Variants in YPEL2 observed in about 807,000 individuals in gnomAD.
YPEL2 encodes the protein protein yippee-like 2.
Under a neutral mutation model 19.1 loss-of-function variants are expected in YPEL2, and 2 were observed. The observed-to-expected ratio is 0.10, with a 90% CI of 0.04 to 0.33. The LOEUF (loss-of-function observed/expected upper bound fraction) is 0.33, where lower values mean the gene tolerates loss of function less well. Ranked by LOEUF, YPEL2 falls within the 10% of genes least tolerant of loss-of-function variation. YPEL2 has a pLI of 1.00. For synonymous variants in YPEL2, 52 were observed against 50.0 expected (o/e 1.04, Z -0.17); for missense variants, 66 against 140.7 (o/e 0.47, Z 2.68).
At chr17:59,372,743 C>T (rs2047902907) in intron 2 of YPEL2, among the ~76,000 whole-genome samples, 1 of 152,214 alleles carries the variant, frequency 6.6e-6, no homozygotes, top group Non-Finnish European at 1.5e-5. Flanking sequence ...AGATGTGTGT[C>T]CTAGGACTGA....
rs558988665 is a variant in YPEL2, at chr17:59,337,184, T to A, written c.-196+5360T>A. 2.0e-4 allele frequency among the ~76,000 whole-genome samples: 15 copies of A among 76,868 alleles called. No homozygotes were observed. In the South Asian group the frequency reaches 5.4e-3, roughly 28 times the overall value. 50.4% of individuals were successfully genotyped at this position (76,868 alleles called of 152,430 possible). ...TTTAAGAAGTTCATGGGAGAAATTCTTTTTTTTTGTTTTTTTTGTTTGAGA... is the reference window on the plus strand; with the variant it reads ...TTTAAGAAGTTCATGGGAGAAATTCATTTTTTTTGTTTTTTTTGTTTGAGA... On this transcript the variant is annotated intron_variant, in intron 1 of 4. Transcript: ENST00000312655.
intron 2 of YPEL2, among the ~76,000 whole-genome samples, chr17:59,387,319 T>C (rs1027403417): frequency 6.6e-6 from 1 of 151,140 alleles, no homozygotes; most frequent in Non-Finnish European, 1.5e-5. Flanking sequence ...CACTGATCCC[T>C]GACGTCCTGC....
intron 1 of YPEL2, among the ~76,000 whole-genome samples, chr17:59,332,995 CGG>C: frequency 6.6e-6 from 1 of 152,186 alleles, no homozygotes; most frequent in African/African-American, 2.4e-5. Context: ...AGAAGGGTAG[CGG>C]TCAGCTTCCC....
intron 1 of YPEL2, among the ~76,000 whole-genome samples, chr17:59,337,255 T>TC (rs1483553047): frequency 2.7e-5 from 4 of 149,774 alleles, no homozygotes; most frequent in African/African-American, 5.0e-5. Flanking sequence ...TGGTGCAATC[T>TC]CGGCTCACTG....
Position 59,353,678 on chromosome 17 carries a change from A to G in YPEL2, c.117+152A>G, listed in dbSNP as rs994918657. 1 of 710,840 alleles carries G rather than the reference A, an allele frequency of 1.4e-6. No homozygotes were observed. Among genetic ancestry groups the G allele is most frequent in the Non-Finnish European group, 2.6e-6 (1 of 389,484 alleles). The allele number at this position is 710,840 out of a possible 1,614,324, so 44.0% of individuals were successfully genotyped here. A position where few individuals can be genotyped will look rare whatever the true frequency, so the allele number is the denominator to read the frequency against. ...CGTGACCGTCTCACTCAACTGAGAA[A>G]AACTCTGAGTTGGAGGGACAGAGTA... On this transcript the variant is annotated intron_variant, in intron 2 of 4. Transcript: ENST00000312655. The surrounding 1 kb of genome is among the most constrained non-coding windows in gnomAD (Gnocchi z 4.8).
In YPEL2 at chr17:59,377,156, C is replaced by T. The variant is rs2047926180; in HGVS notation, c.118-11171C>T. Among the ~76,000 whole-genome samples, 3 of 152,024 alleles carry T rather than the reference C, an allele frequency of 2.0e-5. No homozygotes were observed. The South Asian group carries it at 6.2e-4, about 32-fold the overall frequency. On this transcript the variant is annotated intron_variant, in intron 2 of 4. Coordinates refer to ENST00000312655, the MANE Select transcript of YPEL2 (RefSeq NM_001005404.4). ...ATAGACAACCTTTGAAGTATAAGAA[C>T]ATTTTCATTGGCCAGTGCCCATTTG...
chr17:59,333,021 G>A (rs1020636886), intron 1 of YPEL2, among the ~76,000 whole-genome samples: 5 of 152,240 alleles, frequency 3.3e-5, no homozygotes, highest in African/African-American at 1.2e-4. Context: ...GCCTCACAGA[G>A]CATTAAAGAT....
rs745732547 is a variant in YPEL2 at position 59,388,378 on chromosome 17, C to T, written c.161+8C>T. On this transcript the variant is annotated splice_region_variant and intron_variant, in intron 3 of 4. Coordinates refer to ENST00000312655, the MANE Select transcript of YPEL2 (RefSeq NM_001005404.4). Reference sequence around the variant, plus strand: ...ATACCTCTTTAACTCAGTGTGAGTGCCTCTGAATGGTACATTCCTTGTGGG... The same window carrying T: ...ATACCTCTTTAACTCAGTGTGAGTGTCTCTGAATGGTACATTCCTTGTGGG... 2 of 1,613,684 alleles carry T rather than the reference C, an allele frequency of 1.2e-6. No individual in the cohort carries two copies. The highest frequency in any genetic ancestry group is 1.7e-6 in the Non-Finnish European group (2 of 1,179,590).
intron 2 of YPEL2, among the ~76,000 whole-genome samples, chr17:59,385,254 A>C (rs2047974158): frequency 6.6e-6 from 1 of 152,220 alleles, no homozygotes; most frequent in African/African-American, 2.4e-5. Context: ...TACACTGTAA[A>C]AGAAAATACA....
In YPEL2 at chr17:59,397,779, A is replaced by G. The variant is rs923758090; in HGVS notation, c.*589A>G. 6.6e-6 allele frequency: 1 copy of G among 152,240 alleles called. No homozygotes were observed. Among genetic ancestry groups the G allele is most frequent in the Non-Finnish European group, 1.5e-5 (1 of 68,114 alleles). The allele number at this position is 152,240 out of a possible 1,614,324, so 9.4% of individuals were successfully genotyped here. A position where few individuals can be genotyped will look rare whatever the true frequency, so the allele number is the denominator to read the frequency against. On this transcript the variant is annotated 3_prime_UTR_variant, in exon 5 of 5. Coordinates refer to ENST00000312655, the MANE Select transcript of YPEL2 (RefSeq NM_001005404.4). ...GACACCAAATGTGCCAGGTTAGCAA[A>G]TGAGCACAAGATGTGGCCCTGATTC... is the stretch of plus-strand genomic sequence containing the variant.
rs904923288 is a variant in YPEL2, at chr17:59,398,641, C to G, written c.*1451C>G. The G allele has an allele frequency of 6.6e-6, 1 of 152,200 alleles. No individual in the cohort carries two copies. The highest frequency in any genetic ancestry group is 1.9e-4 in the East Asian group (1 of 5,188). 9.4% of individuals were successfully genotyped at this position (152,200 alleles called of 1,614,324 possible). A position where few individuals can be genotyped will look rare whatever the true frequency, so the allele number is the denominator to read the frequency against. ...CTGTGAAGTCTGTTCTACAGCAATT[C>G]AGCCATTACACAGTATATGACTGAA... On this transcript the variant is annotated 3_prime_UTR_variant, in exon 5 of 5. Coordinates refer to ENST00000312655, the MANE Select transcript of YPEL2 (RefSeq NM_001005404.4).
At chr17:59,363,066 G>A (rs958993502) in intron 2 of YPEL2, 1 of 152,160 alleles carries the variant, frequency 6.6e-6, no homozygotes, top group African/African-American at 2.4e-5. Flanking sequence ...GTTTGGTGTT[G>A]TAACAAACAC....
intron 2 of YPEL2, among the ~76,000 whole-genome samples, chr17:59,384,535 T>TCAAAGAACAC (rs2047970822): frequency 1.3e-5 from 2 of 152,180 alleles, no homozygotes; most frequent in Non-Finnish European, 2.9e-5. Flanking sequence ...CTTTGTCACC[T>TCAAAGAACAC]CTAACCCCCA....
At chr17:59,336,649 C>A in intron 1 of YPEL2, among the ~76,000 whole-genome samples, 1 of 152,166 alleles carries the variant, frequency 6.6e-6, no homozygotes. Context: ...AGCCTGGCAC[C>A]TAAGCACTCA....
intron 1 of YPEL2, among the ~76,000 whole-genome samples, chr17:59,350,715 A>G (rs1295323397): frequency 6.6e-6 from 1 of 152,196 alleles, no homozygotes; most frequent in Non-Finnish European, 1.5e-5. Flanking sequence ...CTACCTGTAA[A>G]CTTTTTTTGG....
rs1416859168 is a variant in YPEL2, at chr17:59,401,283, C to CTAGA, written c.*4098_*4101dup. 6.6e-6 allele frequency: 1 copy of CTAGA among 151,944 alleles called. No individual in the cohort carries two copies. Among genetic ancestry groups the CTAGA allele is most frequent in the African/African-American group, 2.4e-5 (1 of 41,258 alleles). 9.4% of individuals were successfully genotyped at this position (151,944 alleles called of 1,614,324 possible). ...TCAAATGAGAAAATATGCTAGTTAT[C>CTAGA]TAGATAGAGGAAAGAGATATTTACT... On this transcript the variant is annotated 3_prime_UTR_variant, in exon 5 of 5. Transcript: ENST00000312655.
chr17:59,389,355 C>G lies in YPEL2; in HGVS notation c.162-5C>G. On this transcript the variant is annotated splice_polypyrimidine_tract_variant and splice_region_variant and intron_variant, in intron 3 of 4. Coordinates refer to ENST00000312655, the MANE Select transcript of YPEL2 (RefSeq NM_001005404.4). ...CCCACTCTCTCTTCTTGTGCCTCGACATAGAGTTAATGTGGGCTGTGGGCC... is the reference window on the plus strand; with the variant it reads ...CCCACTCTCTCTTCTTGTGCCTCGAGATAGAGTTAATGTGGGCTGTGGGCC... 1 of 1,613,010 alleles carries G rather than the reference C, an allele frequency of 6.2e-7. No individual in the cohort carries two copies. The highest frequency in any genetic ancestry group is 2.2e-5 in the East Asian group (1 of 44,876).
intron 2 of YPEL2, among the ~76,000 whole-genome samples, chr17:59,382,023 T>A (rs767698427): frequency 5.9e-5 from 9 of 152,226 alleles, no homozygotes; most frequent in Non-Finnish European, 1.3e-4. Context: ...GGGGCTATTC[T>A]TGTCTATCTG....
chr17:59,358,751 AGGC>A (rs1206972348), intron 2 of YPEL2, among the ~76,000 whole-genome samples: 1 of 151,966 alleles, frequency 6.6e-6, no homozygotes, highest in Non-Finnish European at 1.5e-5. Context: ...CTGGGATTAT[AGGC>A]GCCCGCCTCC....
Sources: gnomAD v4.1 joint callset for allele counts (sites outside exome capture counted in the v4.1 genomes callset) on GRCh38, gnomAD v4.1.1 for gene constraint, Gnocchi (gnomAD v3.1) non-coding constraint, MANE v1.5 for transcripts, NCBI Gene and HGNC (gene_info 2026-07-23, HGNC 2026-07-21) for gene names.